NDUFAF1: variants seen among roughly 807,000 people sequenced by gnomAD.
NDUFAF1 encodes the protein NADH:ubiquinone oxidoreductase complex assembly factor 1.
NDUFAF1 carries 18 observed loss-of-function variants against 28.7 expected under a neutral mutation model. That is an observed-to-expected ratio of 0.63 (90% CI 0.43 to 0.93). The LOEUF is 0.93. Ranked by LOEUF, NDUFAF1 falls within the 40% of genes least tolerant of loss-of-function variation. The pLI, the probability that NDUFAF1 is intolerant of heterozygous loss-of-function variation, is 0.00. For missense variants in NDUFAF1, 404 were observed against 398.3 expected (o/e 1.01, Z -0.12); for synonymous variants, 113 against 139.7 (o/e 0.81, Z 1.35).
At chr15:41,390,453 C>T (rs1242347303) in intron 3 of NDUFAF1, among the ~76,000 whole-genome samples, 4 of 152,000 alleles carry the variant, frequency 2.6e-5, no homozygotes, top group African/African-American at 4.8e-5. Flanking sequence ...GTGCCAGGCG[C>T]GGTGGCTCAC....
At chr15:41,391,169 T>TA (rs1189790489) in intron 3 of NDUFAF1, among the ~76,000 whole-genome samples, 1 of 151,812 alleles carries the variant, frequency 6.6e-6, no homozygotes, top group Admixed American at 6.6e-5. Flanking sequence ...ATATATTACT[T>TA]AAATACAAGT....
intron 3 of NDUFAF1, among the ~76,000 whole-genome samples, chr15:41,390,978 G>A (rs2050309380): frequency 2.6e-5 from 4 of 151,968 alleles, no homozygotes; most frequent in Non-Finnish European, 2.9e-5. Context: ...GCAGTGAGCC[G>A]AGATCCCGCC....
chr15:41,394,282 C>T, intron 3 of NDUFAF1: 1 of 1,018,628 alleles, frequency 9.8e-7, no homozygotes, highest in Admixed American at 2.3e-5. Flanking sequence ...GATCCGTCCG[C>T]CTTGGCCTCC....
chr15:41,391,736 T>C (rs2050319316), intron 3 of NDUFAF1, among the ~76,000 whole-genome samples: 1 of 151,920 alleles, frequency 6.6e-6, no homozygotes, highest in Admixed American at 6.6e-5. Context: ...AGTTATAGGA[T>C]GGTGGTGTTG....
At chr15:41,393,784 G>T (rs1226327285) in intron 3 of NDUFAF1, among the ~76,000 whole-genome samples, 3 of 151,144 alleles carry the variant, frequency 2.0e-5, no homozygotes, top group African/African-American at 7.3e-5. Context: ...TGTTGGCCAG[G>T]ATGGTCTCGA....
Position 41,396,588 on chromosome 15 carries a change from T to C in NDUFAF1, c.472A>G (p.Asn158Asp). 6.2e-7 allele frequency: 1 copy of C among 1,614,088 alleles called. No homozygotes were observed. The highest frequency in any genetic ancestry group is 8.5e-7 in the Non-Finnish European group (1 of 1,180,020). The change falls in exon 2 of 5, where the codon AAC (asparagine) becomes GAC (aspartate). Residue 158 changes from asparagine (N) to aspartate (D), a missense_variant. Coordinates refer to ENST00000260361, the MANE Select transcript of NDUFAF1 (RefSeq NM_016013.4). ...GTTCCATATAGCAGTGCACTTTGGTTATTCTTGCCCATTTTCAAAAACACT... is the reference window on the plus strand; with the variant it reads ...GTTCCATATAGCAGTGCACTTTGGTCATTCTTGCCCATTTTCAAAAACACT... ...SEVFLKMGKN[N>D]QSALLYGTLS... is the part of the protein sequence containing the mutation.
intron 2 of NDUFAF1, 71 bp downstream of exon 2, chr15:41,396,416 T>A: frequency 6.9e-7 from 1 of 1,458,492 alleles, no homozygotes; most frequent in Non-Finnish European, 9.6e-7. Context: ...AAAAGCTATC[T>A]TCTATAGTTT....
chr15:41,401,956 G>A (rs182241747), intron 1 of NDUFAF1, among the ~76,000 whole-genome samples, 188 bp downstream of exon 1: 147 of 152,022 alleles, frequency 9.7e-4, no homozygotes, highest in Admixed American at 8.0e-3. Flanking sequence ...CAAACCCTCC[G>A]TAGTGTTACT....
intron 3 of NDUFAF1, among the ~76,000 whole-genome samples, chr15:41,391,607 TAAA>T (rs534238039): frequency 1.6e-5 from 2 of 127,818 alleles, no homozygotes; most frequent in Admixed American, 8.2e-5. Flanking sequence ...GACTCCATCT[TAAA>T]AAAAAAAAAA....
rs2050397639 is a variant in NDUFAF1 at position 41,396,960 on chromosome 15, C to G, written c.100G>C (p.Glu34Gln). The G allele has an allele frequency of 2.5e-6, 4 of 1,612,548 alleles. No individual in the cohort carries two copies. Among genetic ancestry groups the G allele is most frequent in the Admixed American group, 3.4e-5 (2 of 59,638 alleles). The change falls in exon 2 of 5, where the codon GAG becomes CAG. Residue 34 changes from glutamate (E) to glutamine (Q), a missense_variant. Coordinates refer to ENST00000260361, the MANE Select transcript of NDUFAF1 (RefSeq NM_016013.4). ...GGTTTCTGAAGACTACTGGAATACT[C>G]TGCAAAGCGAATACCCAAAAATGGA... ...LYPFLGIRFA[E>Q]YSSSLQKPVA...
chr15:41,397,030 A>T lies in NDUFAF1; in HGVS notation c.30T>A (p.Gly10=). MALVHKLLR[G]TYFLRKFSKP... is the part of the protein sequence containing the mutation. ...TAGAGAATTTTCTGAGAAAATAAGTACCACGCAGCAATTTGTGAACCAAAG... is the reference window on the plus strand; with the variant it reads ...TAGAGAATTTTCTGAGAAAATAAGTTCCACGCAGCAATTTGTGAACCAAAG... The change falls in exon 2 of 5, where the codon GGT becomes GGA. Residue 10 remains glycine, a synonymous_variant. Transcript: ENST00000260361. The T allele has an allele frequency of 6.2e-7, 1 of 1,613,320 alleles. No individual in the cohort carries two copies. The highest frequency in any genetic ancestry group is 8.5e-7 in the Non-Finnish European group (1 of 1,179,844).
rs767139367 is a variant in NDUFAF1, at chr15:41,387,469, T to G, written c.959A>C (p.Glu320Ala). ...TEEFAYENSP[E>A]LNPRLFK The stretch of plus-strand genomic sequence containing the variant: ...TTATTTAAAAAGCCTTGGGTTAAGC[T>G]CTGGAGAATTTTCATAGGCAAATTC... The change falls in exon 5 of 5, where the codon GAG becomes GCG. Residue 320 changes from glutamate (E) to alanine (A), a missense_variant. Coordinates refer to ENST00000260361, the MANE Select transcript of NDUFAF1 (RefSeq NM_016013.4). 1.9e-6 allele frequency: 3 copies of G among 1,613,890 alleles called. No homozygotes were observed. Among genetic ancestry groups the G allele is most frequent in the Non-Finnish European group, 2.5e-6 (3 of 1,179,780 alleles).
At chr15:41,390,596 G>T (rs989163640) in intron 3 of NDUFAF1, among the ~76,000 whole-genome samples, 1 of 151,694 alleles carries the variant, frequency 6.6e-6, no homozygotes, top group Admixed American at 6.6e-5. Flanking sequence ...GTAGTGGCAG[G>T]TGCCTGTAGT....
Position 41,387,508 on chromosome 15 carries a change from G to A in NDUFAF1, c.920C>T (p.Pro307Leu). 6.2e-7 allele frequency: 1 copy of A among 1,613,426 alleles called. No individual in the cohort carries two copies. The highest frequency in any genetic ancestry group is 8.5e-7 in the Non-Finnish European group (1 of 1,179,416). The change falls in exon 5 of 5, where the codon CCA becomes CTA. Residue 307 changes from proline to leucine, a missense_variant. Pro to Leu is a moderately conservative substitution (Grantham distance 98). Transcript: ENST00000260361. Reference protein sequence around the residue: ...EIDFIGVFTDPAHTEEFAYEN... With the variant: ...EIDFIGVFTDLAHTEEFAYEN... ...ATAGGCAAATTCTTCTGTATGAGCT[G>A]GATCAGTAAACACGCCAATAAAATC...
At position 41,396,612 on chromosome 15, in the gene NDUFAF1, C is replaced by G; in HGVS notation, c.448G>C (p.Val150Leu). The change falls in exon 2 of 5, where the codon GTG (valine) becomes CTG (leucine). Residue 150 changes from valine (V) to leucine (L), a missense_variant. Coordinates refer to ENST00000260361, the MANE Select transcript of NDUFAF1 (RefSeq NM_016013.4). ...SDKTIGGRSE[V>L]FLKMGKNNQS... ...TTATTCTTGCCCATTTTCAAAAACACTTCACTTCTGCCTCCAATCGTCTTA... is the reference window on the plus strand; with the variant it reads ...TTATTCTTGCCCATTTTCAAAAACAGTTCACTTCTGCCTCCAATCGTCTTA... The G allele has an allele frequency of 6.2e-7, 1 of 1,614,114 alleles. No individual in the cohort carries two copies. Among genetic ancestry groups the G allele is most frequent in the Non-Finnish European group, 8.5e-7 (1 of 1,180,038 alleles).
At chr15:41,394,153 C>G (rs529229098) in intron 3 of NDUFAF1, 2 of 438,584 alleles carry the variant, frequency 4.6e-6, no homozygotes, top group Admixed American at 2.4e-5. Context: ...CTTAGCCTCC[C>G]GAGTAGCTGG....
chr15:41,388,431 A>G lies in NDUFAF1; in HGVS notation c.834+17T>C. On this transcript the variant is annotated intron_variant, in intron 4 of 4. Coordinates refer to ENST00000260361, the MANE Select transcript of NDUFAF1 (RefSeq NM_016013.4). ...AAAATGATACAGTTCTGAGTGAAAA[A>G]TACAGGAATATGTTACCTTATCAAG... is the stretch of plus-strand genomic sequence containing the variant. 3.2e-6 allele frequency: 5 copies of G among 1,581,318 alleles called. No homozygotes were observed. Among genetic ancestry groups the G allele is most frequent in the Non-Finnish European group, 3.5e-6 (4 of 1,150,318 alleles).
Position 41,396,828 on chromosome 15 carries a change from G to A in NDUFAF1, c.232C>T (p.Pro78Ser). ...ATTGCTTTATCGAAACTAACATCAG[G>A]CTTCTCCTCAGAAGAAGTTATATCC... is the stretch of plus-strand genomic sequence containing the variant. ...ALDITSSEEK[P>S]DVSFDKAIRD... The change falls in exon 2 of 5, where the codon CCT becomes TCT. Residue 78 changes from proline to serine, a missense_variant. Physicochemically the swap from Pro to Ser is moderately conservative, Grantham distance 74. Transcript: ENST00000260361. 1.2e-6 allele frequency: 2 copies of A among 1,614,042 alleles called. No homozygotes were observed. Among genetic ancestry groups the A allele is most frequent in the Non-Finnish European group, 8.5e-7 (1 of 1,180,016 alleles).
In NDUFAF1 at chr15:41,396,548, G is replaced by A. The variant is rs140515254; in HGVS notation, c.512C>T (p.Ala171Val). 1.2e-4 allele frequency: 188 copies of A among 1,614,094 alleles called. 1 individual carries two copies. Among genetic ancestry groups the A allele is most frequent in the African/African-American group, 9.7e-4 (73 of 75,014 alleles). ...TCGGGTAGACTCCCCGTCCTGAGGC[G>A]CCTCAGAGCTCAGAGTTCCATATAG... The part of the protein sequence containing the change: ...ALLYGTLSSE[A>V]PQDGESTRSG... The change falls in exon 2 of 5, where the codon GCG becomes GTG. Residue 171 changes from alanine to valine, a missense_variant. Transcript: ENST00000260361.
Sources: gnomAD v4.1 joint callset for allele counts (sites outside exome capture counted in the v4.1 genomes callset) on GRCh38, gnomAD v4.1.1 for gene constraint, MANE v1.5 for transcripts, NCBI Gene and HGNC (gene_info 2026-07-23, HGNC 2026-07-21) for gene names.